ITSN1: variants seen among roughly 807,000 people sequenced by gnomAD.
The protein encoded by ITSN1 is intersectin-1.
Under a neutral mutation model 239.8 loss-of-function variants are expected in ITSN1, and 58 were observed. The ratio of observed to expected loss-of-function variants is 0.24; its 90% CI spans 0.20 to 0.30. ITSN1 has a LOEUF of 0.30. Among genes scored for constraint, ITSN1 ranks in the 10% least tolerant of loss-of-function variants. The probability of loss-of-function intolerance (pLI) is 1.00; values close to 1 mark genes in which losing one functional copy is unlikely to be tolerated. For missense variants in ITSN1, 1,558 were observed against 2,103.3 expected (o/e 0.74, Z 5.07); for synonymous variants, 780 against 770.8 (o/e 1.01, Z -0.20).
Position 33,858,713 on chromosome 21 carries a change from G to C in ITSN1, c.3811G>C (p.Glu1271Gln). Reference protein sequence around the residue: ...EIFQKPLMESELLTEKEVAMI... With the variant: ...EIFQKPLMESQLLTEKEVAMI... ...TTTTCAAAAACCCCTGATGGAGTCT[G>C]AGCTGCTGACAGAAAAAGAGGTTGC... Residue 1271 changes from glutamate (E) to glutamine (Q), a missense_variant, in exon 31 of 40, where the codon GAG (glutamate) becomes CAG (glutamine). By Grantham distance (29) the Glu-to-Gln change is conservative. Coordinates refer to ENST00000381318, the MANE Select transcript of ITSN1 (RefSeq NM_003024.3). 1.2e-6 allele frequency: 2 copies of C among 1,613,878 alleles called. No homozygotes were observed. Among genetic ancestry groups the C allele is most frequent in the Non-Finnish European group, 1.7e-6 (2 of 1,179,790 alleles).
intron 5 of ITSN1, among the ~76,000 whole-genome samples, chr21:33,736,419 T>G (rs535548185): frequency 8.1e-6 from 1 of 124,210 alleles, no homozygotes; most frequent in African/African-American, 3.6e-5. Context: ...CAAGGCTGGT[T>G]TTTGTAAGGG....
chr21:33,896,681 T>C lies in ITSN1; in HGVS notation c.*8381T>C, dbSNP rs1986802066. On this transcript the variant is annotated 3_prime_UTR_variant, in exon 40 of 40. Transcript: ENST00000381318. ...AGTAGCCTCAAGTTCTAGAAGACCATGGCCCCGGGAGGCAGCTGACCATGA... is the reference window on the plus strand; with the variant it reads ...AGTAGCCTCAAGTTCTAGAAGACCACGGCCCCGGGAGGCAGCTGACCATGA... 1 of 152,258 alleles carries C rather than the reference T, an allele frequency of 6.6e-6. No homozygotes were observed. The highest frequency in any genetic ancestry group is 2.4e-5 in the African/African-American group (1 of 41,474). 9.4% of individuals were successfully genotyped at this position (152,258 alleles called of 1,614,324 possible). A position where few individuals can be genotyped will look rare whatever the true frequency, so the allele number is the denominator to read the frequency against.
chr21:33,662,503 CTTCTG>C (rs896649476), intron 1 of ITSN1, among the ~76,000 whole-genome samples: 7 of 152,056 alleles, frequency 4.6e-5, no homozygotes, highest in African/African-American at 7.2e-5. Flanking sequence ...TTTTTGGGGT[CTTCTG>C]TTCTGTCAGA....
intron 1 of ITSN1, among the ~76,000 whole-genome samples, chr21:33,659,344 C>T (rs1198266305): frequency 2.0e-5 from 3 of 152,076 alleles, no homozygotes; most frequent in African/African-American, 7.2e-5. Context: ...TTTCCATGTT[C>T]GGTGAGTTGT....
At chr21:33,708,029 A>G (rs1293180366) in intron 1 of ITSN1, among the ~76,000 whole-genome samples, 1 of 152,196 alleles carries the variant, frequency 6.6e-6, no homozygotes, top group Non-Finnish European at 1.5e-5. Flanking sequence ...CCACATCCTC[A>G]CCAACACTAG....
chr21:33,896,859 T>A lies in ITSN1; in HGVS notation c.*8559T>A, dbSNP rs1052487348. On this transcript the variant is annotated 3_prime_UTR_variant, in exon 40 of 40. Transcript: ENST00000381318. ...ATCCTCACTATGTTTCCTGATTCTG[T>A]CTGGGATTATATTTGCTAAGTAAAA... 4 of 152,248 alleles carry A rather than the reference T, an allele frequency of 2.6e-5. No homozygotes were observed. Among genetic ancestry groups the A allele is most frequent in the Admixed American group, 6.5e-5 (1 of 15,290 alleles). 9.4% of individuals were successfully genotyped at this position (152,248 alleles called of 1,614,324 possible). A position where few individuals can be genotyped will look rare whatever the true frequency, so the allele number is the denominator to read the frequency against.
intron 1 of ITSN1, among the ~76,000 whole-genome samples, chr21:33,667,955 CAGAT>C (rs1217102040): frequency 1.3e-5 from 2 of 152,080 alleles, no homozygotes; most frequent in Non-Finnish European, 1.5e-5. Context: ...GGTTAGAAGA[CAGAT>C]AGGGAGCAAG....
At chr21:33,755,193 G>A (rs2147540007) in intron 7 of ITSN1, 104 bp from the exon 8 acceptor site, 1 of 534,320 alleles carries the variant, frequency 1.9e-6, no homozygotes. Flanking sequence ...ATGAAAGTTA[G>A]AGATGATTAT....
chr21:33,686,330 GT>G (rs1250331404), intron 1 of ITSN1, among the ~76,000 whole-genome samples: 3 of 151,592 alleles, frequency 2.0e-5, no homozygotes, highest in Non-Finnish European at 4.4e-5. Flanking sequence ...CTCAATTTGT[GT>G]TTTTGTCACT....
intron 38 of ITSN1, among the ~76,000 whole-genome samples, 176 bp downstream of exon 38, chr21:33,885,698 A>G (rs945163695): frequency 6.6e-6 from 1 of 151,520 alleles, no homozygotes; most frequent in Non-Finnish European, 1.5e-5. Flanking sequence ...TTTTTTTTCC[A>G]TCCTTTCTAC....
chr21:33,883,783 C>T, intron 36 of ITSN1, 112 bp downstream of exon 36: 1 of 1,310,742 alleles, frequency 7.6e-7, no homozygotes, highest in Non-Finnish European at 1.0e-6. Context: ...ATGCCATCAC[C>T]CCTAGCTGGG....
At chr21:33,731,305 T>C (rs1569045421) in intron 4 of ITSN1, among the ~76,000 whole-genome samples, 1 of 152,174 alleles carries the variant, frequency 6.6e-6, no homozygotes, top group Non-Finnish European at 1.5e-5. Flanking sequence ...TGGGCAGTGG[T>C]GTGGGGAACA....
chr21:33,672,858 C>A (rs140602930), intron 1 of ITSN1, among the ~76,000 whole-genome samples: 4 of 152,116 alleles, frequency 2.6e-5, no homozygotes, highest in Admixed American at 6.6e-5. Flanking sequence ...ACTACAGGTG[C>A]GTGCCACCAC....
At chr21:33,875,557 G>A (rs761505737) in intron 34 of ITSN1, 36 bp downstream of exon 34, 31 of 1,598,006 alleles carry the variant, frequency 1.9e-5, no homozygotes, top group East Asian at 4.5e-5. Context: ...GGTCTCCCCC[G>A]GCAGAGCCTC....
rs147744446 is a variant in ITSN1 at position 33,858,975 on chromosome 21, G to A, written c.3890+183G>A. 9.2e-5 allele frequency among the ~76,000 whole-genome samples: 14 copies of A among 151,522 alleles called. No homozygotes were observed. The East Asian group carries it at 2.1e-3, about 23-fold the overall frequency. ...TTGTGCCTTCGTGCTTTCTGGAAAC[G>A]CACTCCGAATCTCTCATTGCAAGAG... On this transcript the variant is annotated intron_variant, in intron 31 of 39. Coordinates refer to ENST00000381318, the MANE Select transcript of ITSN1 (RefSeq NM_003024.3).
chr21:33,895,642 C>T lies in ITSN1; in HGVS notation c.*7342C>T, dbSNP rs9983161. ...GTATTTGTGTGTGTGCGTGTGTGTGCGTGTGTATGTGCGTGTATGCATGTG... is the reference window on the plus strand; with the variant it reads ...GTATTTGTGTGTGTGCGTGTGTGTGTGTGTGTATGTGCGTGTATGCATGTG... On this transcript the variant is annotated 3_prime_UTR_variant, in exon 40 of 40. Coordinates refer to ENST00000381318, the MANE Select transcript of ITSN1 (RefSeq NM_003024.3). The T allele has an allele frequency of 0.024, 3,592 of 148,204 alleles. 101 individuals carry two copies. The highest frequency in any genetic ancestry group is 0.076 in the African/African-American group (3,060 of 40,162). 9.2% of individuals were successfully genotyped at this position (148,204 alleles called of 1,614,324 possible).
At chr21:33,702,180 A>G (rs1483633150) in intron 1 of ITSN1, among the ~76,000 whole-genome samples, 2 of 148,224 alleles carry the variant, frequency 1.3e-5, no homozygotes, top group African/African-American at 2.5e-5. Flanking sequence ...CAGTGGCACT[A>G]TCTCAGGTCA....
In ITSN1 at chr21:33,734,358, G is replaced by A. The variant is rs116749672; in HGVS notation, c.186-686G>A. 3.6e-3 allele frequency among the ~76,000 whole-genome samples: 554 copies of A among 152,230 alleles called. 2 individuals are homozygous for A. Among genetic ancestry groups the A allele is most frequent in the African/African-American group, 0.013 (523 of 41,540 alleles). On this transcript the variant is annotated intron_variant, in intron 4 of 39. Coordinates refer to ENST00000381318, the MANE Select transcript of ITSN1 (RefSeq NM_003024.3). ...GCTCATTACAGTTTGCACTTGGACC[G>A]TGTATATTTGAGTACCATTTTCAAA...
intron 19 of ITSN1, among the ~76,000 whole-genome samples, chr21:33,801,809 G>T (rs1337790432): frequency 6.6e-6 from 1 of 152,164 alleles, no homozygotes; most frequent in Non-Finnish European, 1.5e-5. Flanking sequence ...TTTACAGAAA[G>T]AACTGTTGGT....
Sources: allele counts gnomAD v4.1 joint callset (sites outside exome capture counted in the v4.1 genomes callset), GRCh38; gene constraint gnomAD v4.1.1; transcripts MANE v1.5; gene names NCBI Gene and HGNC (gene_info 2026-07-23, HGNC 2026-07-21).